PLEKHA5: variants seen among roughly 807,000 people sequenced by gnomAD.
PLEKHA5 encodes the protein pleckstrin homology domain containing A5.
A neutral mutation model predicts 181.9 loss-of-function variants in PLEKHA5; 55 were observed. The observed-to-expected ratio is 0.30, with a 90% CI of 0.24 to 0.38. PLEKHA5 has a LOEUF of 0.38. Ranked by LOEUF, PLEKHA5 falls within the 10% of genes least tolerant of loss-of-function variation. PLEKHA5 has a pLI of 1.00. For missense variants in PLEKHA5, 1,432 were observed against 1,549.5 expected (o/e 0.92, Z 1.27); for synonymous variants, 535 against 529.4 (o/e 1.01, Z -0.15).
intron 30 of PLEKHA5, 119 bp from the exon 31 acceptor site, chr12:19,369,574 A>G (rs1261788473): frequency 3.5e-6 from 2 of 579,512 alleles, no homozygotes; most frequent in South Asian, 2.3e-5. Context: ...AACCAAATGT[A>G]TCTATTACTT....
chr12:19,266,208 C>A (rs932187572), intron 8 of PLEKHA5, among the ~76,000 whole-genome samples: 17 of 151,920 alleles, frequency 1.1e-4, no homozygotes, highest in African/African-American at 4.1e-4. Flanking sequence ...GGTCTGGGCA[C>A]AGTGGCGGTA....
chr12:19,242,875 A>G (rs1172273335), intron 3 of PLEKHA5, among the ~76,000 whole-genome samples: 1 of 152,184 alleles, frequency 6.6e-6, no homozygotes, highest in African/African-American at 2.4e-5. Context: ...GATACCTGTA[A>G]TGGTAGAAAT....
intron 3 of PLEKHA5, among the ~76,000 whole-genome samples, chr12:19,230,510 A>G (rs979515378): frequency 1.3e-5 from 2 of 152,130 alleles, no homozygotes; most frequent in African/African-American, 4.8e-5. Context: ...CCTGTGGGGA[A>G]GCAGCTGAGG....
chr12:19,178,239 A>T (rs532153297), intron 3 of PLEKHA5, among the ~76,000 whole-genome samples: 1 of 152,246 alleles, frequency 6.6e-6, no homozygotes, highest in Non-Finnish European at 1.5e-5. Flanking sequence ...CATATTTATA[A>T]ATGAGTACAA....
chr12:19,183,978 G>T (rs149791593), intron 3 of PLEKHA5, among the ~76,000 whole-genome samples: 11,087 of 152,144 alleles, frequency 0.073, 423 homozygotes, highest in South Asian at 0.11. Context: ...GCCTCCCAAA[G>T]TGCTGGGATT....
Position 19,274,693 on chromosome 12 carries a change from T to A in PLEKHA5, c.1023T>A (p.Asp341Glu). 3 of 1,614,076 alleles carry A rather than the reference T, an allele frequency of 1.9e-6. No homozygotes were observed. Among genetic ancestry groups the A allele is most frequent in the South Asian group, 1.1e-5 (1 of 91,080 alleles). ...ATGGATTTCAGAAGGATGGTCAAGA[T>A]AGACCCTTAACAAAAATTAATAGTG... ...EKYGFQKDGQ[D>E]RPLTKINSVK... Residue 341 changes from aspartate (D) to glutamate (E), a missense_variant, in exon 11 of 32, where the codon GAT becomes GAA. Physicochemically the swap from Asp to Glu is conservative, Grantham distance 45. Coordinates refer to ENST00000429027, the MANE Select transcript of PLEKHA5 (RefSeq NM_001256470.2).
intron 7 of PLEKHA5, 23 bp from the exon 8 acceptor site, chr12:19,265,727 T>C: frequency 7.8e-7 from 1 of 1,285,686 alleles, no homozygotes; most frequent in Non-Finnish European, 1.1e-6. Context: ...AAAATTCTAA[T>C]CAGATGTTAA....
intron 31 of PLEKHA5, among the ~76,000 whole-genome samples, chr12:19,374,520 G>A (rs773837852): frequency 6.6e-6 from 1 of 151,646 alleles, no homozygotes; most frequent in African/African-American, 2.4e-5. Flanking sequence ...TTAGCTGGGC[G>A]TGGTGGCATG....
In PLEKHA5 at chr12:19,375,648, C is replaced by T. The variant is rs989288209; in HGVS notation, c.*129C>T. The T allele has an allele frequency of 1.3e-5, 2 of 152,554 alleles. No homozygotes were observed. The highest frequency in any genetic ancestry group is 2.9e-5 in the Non-Finnish European group (2 of 68,038). 9.5% of individuals were successfully genotyped at this position (152,554 alleles called of 1,614,324 possible). On this transcript the variant is annotated 3_prime_UTR_variant, in exon 32 of 32. Transcript: ENST00000429027. ...AATTCATAGTTCTGATGCTTTTGGT[C>T]ACAGAGCATCATTTTATCACTTCTG...
chr12:19,276,677 G>A (rs940481074), intron 11 of PLEKHA5, among the ~76,000 whole-genome samples: 2 of 152,168 alleles, frequency 1.3e-5, no homozygotes, highest in Non-Finnish European at 2.9e-5. Context: ...GAAGTTTCTT[G>A]AAGGAAATCA....
At position 19,270,174 on chromosome 12, in the gene PLEKHA5, C is replaced by G. The variant is rs1360780529; in HGVS notation, c.828-14C>G. 3 of 1,434,422 alleles carry G rather than the reference C, an allele frequency of 2.1e-6. No individual in the cohort carries two copies. The Admixed American group carries it at 7.7e-5, about 37-fold the overall frequency. 88.9% of individuals were successfully genotyped at this position (1,434,422 alleles called of 1,614,324 possible). On this transcript the variant is annotated splice_polypyrimidine_tract_variant and intron_variant, in intron 9 of 31. Coordinates refer to ENST00000429027, the MANE Select transcript of PLEKHA5 (RefSeq NM_001256470.2). ...AATCCTAACATTCAAACTGAATGTT[C>G]TTTCTTCTTACAGAATTACCTTTAA...
chr12:19,294,716 C>T (rs947599684), intron 15 of PLEKHA5, among the ~76,000 whole-genome samples: 2 of 152,148 alleles, frequency 1.3e-5, no homozygotes, highest in African/African-American at 4.8e-5. Flanking sequence ...CTCATAGTTA[C>T]TTCAGAGGTC....
At chr12:19,336,313 A>G (rs2093421238) in intron 20 of PLEKHA5, among the ~76,000 whole-genome samples, 1 of 152,246 alleles carries the variant, frequency 6.6e-6, no homozygotes, top group Non-Finnish European at 1.5e-5. Context: ...TAGGAAATAA[A>G]CAGCAGCACA....
At chr12:19,322,431 A>T in intron 19 of PLEKHA5, 41 bp downstream of exon 19, 1 of 1,567,318 alleles carries the variant, frequency 6.4e-7, no homozygotes, top group Non-Finnish European at 8.8e-7. Flanking sequence ...GATGTTACTT[A>T]ATATGATTAT....
At chr12:19,193,345 A>C (rs539152766) in intron 3 of PLEKHA5, among the ~76,000 whole-genome samples, 1 of 152,234 alleles carries the variant, frequency 6.6e-6, no homozygotes, top group African/African-American at 2.4e-5. Context: ...TTGGGAACAC[A>C]TGAAGCCAAT....
chr12:19,345,049 G>A (rs911899893), intron 22 of PLEKHA5, among the ~76,000 whole-genome samples: 1 of 151,972 alleles, frequency 6.6e-6, no homozygotes, highest in Non-Finnish European at 1.5e-5. Flanking sequence ...TTGAACCCGG[G>A]AGGCAGAGAT....
chr12:19,274,557 C>T lies in PLEKHA5; in HGVS notation c.887C>T (p.Thr296Ile). The T allele has an allele frequency of 6.2e-7, 1 of 1,611,482 alleles. No individual in the cohort carries two copies. Among genetic ancestry groups the T allele is most frequent in the Non-Finnish European group, 8.5e-7 (1 of 1,178,992 alleles). The stretch of plus-strand genomic sequence containing the variant: ...TCTGAAAATGCACCAACTAAAGAAA[C>T]CAATAACATTCCCAACCATAGAGTG... Reference protein sequence around the residue: ...ITSENAPTKETNNIPNHRVLI... With the variant: ...ITSENAPTKEINNIPNHRVLI... Residue 296 changes from threonine (T) to isoleucine (I), a missense_variant, in exon 11 of 32, where the codon ACC (threonine) becomes ATC (isoleucine). This residue lies in a region of PLEKHA5 where 289 missense variants were observed against 381.1 expected (regional missense o/e 0.76). Transcript: ENST00000429027.
Position 19,343,180 on chromosome 12 carries a change from AC to A in PLEKHA5, c.2551-142del, listed in dbSNP as rs1301801550. On this transcript the variant is annotated intron_variant, in intron 21 of 31. Transcript: ENST00000429027. ...CTGGACTTGCAAAATTGGGAGAGTC[AC>A]ATCAATCATATTAAATATTCGTAAC... is the stretch of plus-strand genomic sequence containing the variant. 1.0e-5 allele frequency: 5 copies of A among 487,432 alleles called. No individual in the cohort carries two copies. The East Asian group carries it at 1.6e-4, about 16-fold the overall frequency. 30.2% of individuals were successfully genotyped at this position (487,432 alleles called of 1,614,324 possible). A position where few individuals can be genotyped will look rare whatever the true frequency, so the allele number is the denominator to read the frequency against.
chr12:19,169,176 C>A (rs1017809203), intron 3 of PLEKHA5, among the ~76,000 whole-genome samples: 7 of 151,768 alleles, frequency 4.6e-5, no homozygotes, highest in African/African-American at 1.7e-4. Flanking sequence ...AGTTTAGACC[C>A]AGGTGGCTAA....
Sources: allele counts gnomAD v4.1 joint callset (sites outside exome capture counted in the v4.1 genomes callset), GRCh38; gene constraint gnomAD v4.1.1; regional missense constraint gnomAD v4.1.1; transcripts MANE v1.5; gene names NCBI Gene and HGNC (gene_info 2026-07-23, HGNC 2026-07-21).